SSBP2: variants seen among roughly 807,000 people sequenced by gnomAD.
SSBP2 encodes single-stranded DNA-binding protein 2.
A neutral mutation model predicts 61.8 loss-of-function variants in SSBP2; 17 were observed. The observed-to-expected ratio is 0.28, with a 90% CI of 0.19 to 0.41. The LOEUF is 0.41. SSBP2 is among the 10% of genes least tolerant of loss of function. The pLI, the probability that SSBP2 is intolerant of heterozygous loss-of-function variation, is 1.00. For missense variants in SSBP2, 310 were observed against 458.7 expected (o/e 0.68, Z 2.96); for synonymous variants, 139 against 141.3 (o/e 0.98, Z 0.12).
At chr5:81,637,287 A>G (rs1338242548) in intron 2 of SSBP2, among the ~76,000 whole-genome samples, 1 of 152,176 alleles carries the variant, frequency 6.6e-6, no homozygotes, top group Non-Finnish European at 1.5e-5. Flanking sequence ...TTTCTCCTCC[A>G]ATTTTTTTGA....
intron 4 of SSBP2, among the ~76,000 whole-genome samples, chr5:81,592,535 A>G (rs1320826389): frequency 4.6e-5 from 7 of 152,202 alleles, no homozygotes; most frequent in Non-Finnish European, 1.0e-4. Flanking sequence ...GAATGGGCAG[A>G]CTGCCTCCTC....
intron 4 of SSBP2, among the ~76,000 whole-genome samples, chr5:81,582,268 T>C (rs1774716290): frequency 6.6e-6 from 1 of 152,106 alleles, no homozygotes; most frequent in African/African-American, 2.4e-5. Context: ...CTATGTTTTC[T>C]TTATTTTTAT....
chr5:81,513,589 C>T (rs1198396852), intron 5 of SSBP2, 39 bp downstream of exon 5: 3 of 1,243,588 alleles, frequency 2.4e-6, no homozygotes, highest in Non-Finnish European at 3.5e-6. Flanking sequence ...ACAGGAGTTC[C>T]TATGCTTTAA....
chr5:81,611,758 A>G (rs1247070833), intron 4 of SSBP2, among the ~76,000 whole-genome samples: 1 of 152,110 alleles, frequency 6.6e-6, no homozygotes, highest in African/African-American at 2.4e-5. Context: ...TTGAAAAAAT[A>G]TATATTATTT....
intron 4 of SSBP2, among the ~76,000 whole-genome samples, chr5:81,589,711 C>T (rs982856925): frequency 2.6e-5 from 4 of 152,134 alleles, no homozygotes; most frequent in South Asian, 2.1e-4. Flanking sequence ...CATAACAGAA[C>T]GCCAGAGACA....
At chr5:81,426,047 T>C (rs556989507) in intron 16 of SSBP2, among the ~76,000 whole-genome samples, 2 of 152,372 alleles carry the variant, frequency 1.3e-5, no homozygotes, top group African/African-American at 4.8e-5. Context: ...TGTTCATTTA[T>C]TGAACAATGT....
At chr5:81,441,950 G>A (rs1199466284) in intron 13 of SSBP2, among the ~76,000 whole-genome samples, 2 of 152,104 alleles carry the variant, frequency 1.3e-5, no homozygotes, top group Non-Finnish European at 2.9e-5. Context: ...CTCCTACAGT[G>A]TTTTAAAAGA....
intron 4 of SSBP2, among the ~76,000 whole-genome samples, chr5:81,547,783 A>G (rs936542526): frequency 5.3e-5 from 8 of 152,146 alleles, no homozygotes; most frequent in Admixed American, 2.6e-4. Context: ...TAGAAAACTT[A>G]AATGCATATT....
intron 1 of SSBP2, among the ~76,000 whole-genome samples, chr5:81,666,269 C>G (rs1751125841): frequency 1.3e-5 from 2 of 152,052 alleles, no homozygotes; most frequent in Admixed American, 6.6e-5. Flanking sequence ...AACTGACATA[C>G]TACATACAGA....
chr5:81,468,159 C>T (rs1272574888), intron 8 of SSBP2, among the ~76,000 whole-genome samples: 1 of 152,000 alleles, frequency 6.6e-6, no homozygotes, highest in East Asian at 1.9e-4. Flanking sequence ...CTATCACTTT[C>T]CACACAATAG....
At chr5:81,623,263 C>T (rs1933871406) in intron 3 of SSBP2, among the ~76,000 whole-genome samples, 1 of 151,916 alleles carries the variant, frequency 6.6e-6, no homozygotes, top group Admixed American at 6.6e-5. Flanking sequence ...CTAATTTCCA[C>T]TCAAGTAACA....
chr5:81,740,811 A>G (rs1756966092), intron 1 of SSBP2, among the ~76,000 whole-genome samples: 1 of 152,232 alleles, frequency 6.6e-6, no homozygotes, highest in African/African-American at 2.4e-5. Flanking sequence ...GTTAAATCTC[A>G]GATACCAGCT....
intron 4 of SSBP2, among the ~76,000 whole-genome samples, chr5:81,601,871 A>T (rs1744398779): frequency 6.6e-6 from 1 of 152,168 alleles, no homozygotes; most frequent in South Asian, 2.1e-4. Context: ...TAAAGACACA[A>T]ATCATCTGCC....
At chr5:81,614,657 C>G (rs1050262344) in intron 4 of SSBP2, among the ~76,000 whole-genome samples, 1 of 152,170 alleles carries the variant, frequency 6.6e-6, no homozygotes, top group Admixed American at 6.5e-5. Context: ...GTTATTTCCT[C>G]AGGCTCCAGC....
intron 4 of SSBP2, among the ~76,000 whole-genome samples, chr5:81,593,106 G>A (rs997527081): frequency 1.1e-4 from 17 of 152,066 alleles, no homozygotes; most frequent in Admixed American, 1.3e-4. Context: ...AAAATCAGAC[G>A]AATGGATAAC....
intron 1 of SSBP2, among the ~76,000 whole-genome samples, chr5:81,688,325 T>C (rs1006729737): frequency 5.9e-5 from 9 of 152,202 alleles, no homozygotes; most frequent in African/African-American, 1.7e-4. Context: ...CATCACTGGA[T>C]CCGCCCAGGA....
intron 8 of SSBP2, 92 bp downstream of exon 8, chr5:81,473,608 A>C (rs1156560188): frequency 2.8e-6 from 3 of 1,083,642 alleles, no homozygotes; most frequent in Non-Finnish European, 4.2e-6. Flanking sequence ...CATGGTATAC[A>C]TGTACCACAT....
intron 10 of SSBP2, among the ~76,000 whole-genome samples, chr5:81,449,162 G>A (rs1763600858): frequency 6.6e-6 from 1 of 152,090 alleles, no homozygotes; most frequent in Admixed American, 6.5e-5. Context: ...TGGGAAACCA[G>A]AATTTTTCAA....
chr5:81,484,716 CAT>C (rs935622817), intron 6 of SSBP2, among the ~76,000 whole-genome samples: 6 of 152,008 alleles, frequency 3.9e-5, no homozygotes, highest in Non-Finnish European at 5.9e-5. Flanking sequence ...AATTCTATAA[CAT>C]GATTTTTAAT....
Sources: allele counts gnomAD v4.1 joint callset (sites outside exome capture counted in the v4.1 genomes callset), GRCh38; gene constraint gnomAD v4.1.1; transcripts MANE v1.5; gene names NCBI Gene and HGNC (gene_info 2026-07-23, HGNC 2026-07-21).